Variants in PKD1L1 observed in about 807,000 individuals in gnomAD.
PKD1L1 encodes polycystin 1 like 1, transient receptor potential channel interacting.
A neutral mutation model predicts 323.4 loss-of-function variants in PKD1L1; 236 were observed. That is an observed-to-expected ratio of 0.73 (90% CI 0.66 to 0.81). The LOEUF (loss-of-function observed/expected upper bound fraction) is 0.81, where lower values mean the gene tolerates loss of function less well. Among genes scored for constraint, PKD1L1 ranks in the 40% least tolerant of loss-of-function variants. The pLI, the probability that PKD1L1 is intolerant of heterozygous loss-of-function variation, is 0.00. For missense variants in PKD1L1, 3,320 were observed against 3,508.0 expected, an observed-to-expected ratio of 0.95 and a Z score of 1.35; for synonymous variants, 1,344 against 1,335.0, an observed-to-expected ratio of 1.01 and a Z score of -0.15.
chr7:47,947,991 G>A (rs1788135857), intron 1 of PKD1L1, among the ~76,000 whole-genome samples: 1 of 151,984 alleles, frequency 6.6e-6, no homozygotes. Context: ...TAAGACCCCT[G>A]GGCCAAGACC....
In PKD1L1 at chr7:47,904,415, T is replaced by C. The variant is rs1787155899; in HGVS notation, c.1894A>G (p.Ser632Gly). The C allele has an allele frequency of 6.2e-7, 1 of 1,614,132 alleles. No individual in the cohort carries two copies. Among genetic ancestry groups the C allele is most frequent in the African/African-American group, 1.3e-5 (1 of 75,042 alleles). The change falls in exon 12 of 57, where the codon AGC becomes GGC. Residue 632 changes from serine (S) to glycine (G), a missense_variant. Transcript: ENST00000289672. ...YLWDFGDGTV[S>G]LGSSSSSHVY... ...TGGCTGCTGGAGCTGCTCCCCAGGC[T>C]GACGGTGCCATCCCCAAAGTCCCAC...
chr7:47,834,988 C>G lies in PKD1L1; in HGVS notation c.6106G>C (p.Ala2036Pro). ...TTACCATGGGGTGCCTCGGTCTGTG[C>G]TCCTCCTCTAAGTGGGCTGTGTGGC... is the stretch of plus-strand genomic sequence containing the variant. ...VEPHSPLRGG[A>P]QTEAPHGPNS... The change falls in exon 39 of 57, where the codon GCA becomes CCA. Residue 2036 changes from alanine (A) to proline (P), a missense_variant. By Grantham distance (27) the Ala-to-Pro change is conservative. Coordinates refer to ENST00000289672, the MANE Select transcript of PKD1L1 (RefSeq NM_138295.5). 1 of 1,613,882 alleles carries G rather than the reference C, an allele frequency of 6.2e-7. No individual in the cohort carries two copies. Among genetic ancestry groups the G allele is most frequent in the Non-Finnish European group, 8.5e-7 (1 of 1,179,830 alleles).
chr7:47,834,116 A>G (rs1027410256), intron 40 of PKD1L1, among the ~76,000 whole-genome samples: 3 of 147,024 alleles, frequency 2.0e-5, no homozygotes, highest in African/African-American at 7.6e-5. Context: ...CCACCTGGAG[A>G]GCCGGGTTGC....
Position 47,904,449 on chromosome 7 carries a change from A to G in PKD1L1, c.1860T>C (p.Val620=), listed in dbSNP as rs1787156938. 1 of 1,614,034 alleles carries G rather than the reference A, an allele frequency of 6.2e-7. No homozygotes were observed. Among genetic ancestry groups the G allele is most frequent in the Admixed American group, 1.7e-5 (1 of 59,992 alleles). The change falls in exon 12 of 57, where the codon GTT becomes GTC. Residue 620 remains valine, a synonymous_variant. Transcript: ENST00000289672. ...FECWINFGTD[V]AYLWDFGDGT... is the part of the protein sequence containing the mutation. ...CATCCCCAAAGTCCCACAGGTAGGC[A>G]ACATCTGTGCCGAAGTTGATCCAGC...
intron 7 of PKD1L1, among the ~76,000 whole-genome samples, 173 bp from the exon 8 acceptor site, chr7:47,915,772 T>C (rs994905922): frequency 6.6e-6 from 1 of 151,694 alleles, no homozygotes; most frequent in Non-Finnish European, 1.5e-5. Context: ...TAGAAGAAAA[T>C]ACAGATGCCA....
At chr7:47,822,800 A>G (rs1785173446) in intron 45 of PKD1L1, among the ~76,000 whole-genome samples, 1 of 152,184 alleles carries the variant, frequency 6.6e-6, no homozygotes, top group Non-Finnish European at 1.5e-5. Flanking sequence ...TCTTAGACTT[A>G]CATCCATGTA....
intron 5 of PKD1L1, 74 bp downstream of exon 5, chr7:47,931,862 A>G: frequency 1.3e-6 from 2 of 1,520,346 alleles, no homozygotes; most frequent in Admixed American, 2.0e-5. Context: ...CATACGGGTG[A>G]GTCTCCCCCA....
rs1396067104 is a variant in PKD1L1 at position 47,868,347 on chromosome 7, C to T, written c.3897-1733G>A. ...TTGTGCCATTGCACTGCAGCCTGGGCGACAGGGTGAGACCTTGTCTCAAGG... is the reference window on the plus strand; with the variant it reads ...TTGTGCCATTGCACTGCAGCCTGGGTGACAGGGTGAGACCTTGTCTCAAGG... On this transcript the variant is annotated intron_variant, in intron 24 of 56. Transcript: ENST00000289672. Among the ~76,000 whole-genome samples, 5 of 151,692 alleles carry T rather than the reference C, an allele frequency of 3.3e-5. No individual in the cohort carries two copies. The East Asian group carries it at 5.8e-4, about 18-fold the overall frequency.
chr7:47,846,821 A>C, intron 32 of PKD1L1, 58 bp downstream of exon 32: 1 of 1,507,184 alleles, frequency 6.6e-7, no homozygotes. Context: ...GGCCAAATGC[A>C]GAAGACAAGG....
Position 47,812,069 on chromosome 7 carries a change from C to A in PKD1L1, c.7347-18G>T. On this transcript the variant is annotated intron_variant, in intron 49 of 56. Transcript: ENST00000289672. ...CTTCAGTCCTGTAAAACAGCACACA[C>A]TGGGGTAGGGCAGGGCAGGGAGAAA... 6.5e-7 allele frequency: 1 copy of A among 1,549,278 alleles called. No homozygotes were observed. The highest frequency in any genetic ancestry group is 8.7e-7 in the Non-Finnish European group (1 of 1,144,426).
chr7:47,934,862 GA>G (rs1450635554), intron 4 of PKD1L1, among the ~76,000 whole-genome samples: 1 of 152,158 alleles, frequency 6.6e-6, no homozygotes, highest in Non-Finnish European at 1.5e-5. Context: ...TAGGAAGGAA[GA>G]CCCTTTCCTT....
rs758986846 is a variant in PKD1L1 at position 47,858,881 on chromosome 7, C to T, written c.4154G>A (p.Gly1385Asp). 5.6e-6 allele frequency: 9 copies of T among 1,613,260 alleles called. No homozygotes were observed. In the Admixed American group the frequency reaches 1.5e-4, roughly 27 times the overall value. ...GAGGATGAGAACCGCACTCATAAAGCCTAGCTGCATGAACAGAAAAGATGT... is the reference window on the plus strand; with the variant it reads ...GAGGATGAGAACCGCACTCATAAAGTCTAGCTGCATGAACAGAAAAGATGT... ...RDLVSFSNKL[G>D]FMSAVLILKY... Residue 1385 changes from glycine to aspartate, a missense_variant, in exon 27 of 57, where the codon GGC becomes GAC. Physicochemically the swap from Gly to Asp is moderately conservative, Grantham distance 94. Coordinates refer to ENST00000289672, the MANE Select transcript of PKD1L1 (RefSeq NM_138295.5).
Position 47,905,781 on chromosome 7 carries a change from T to G in PKD1L1, c.1522+62A>C, listed in dbSNP as rs200151331. On this transcript the variant is annotated intron_variant, in intron 10 of 56. Transcript: ENST00000289672. ...AACCTGCTGCTGCCTACGGCTTTCCTAATCTCAGCTGACTGCGCGAGGGAG... is the reference window on the plus strand; with the variant it reads ...AACCTGCTGCTGCCTACGGCTTTCCGAATCTCAGCTGACTGCGCGAGGGAG... 23 of 1,591,592 alleles carry G rather than the reference T, an allele frequency of 1.4e-5. No homozygotes were observed. In the East Asian group the frequency reaches 4.8e-4, roughly 33 times the overall value.
At chr7:47,835,279 A>C in intron 37 of PKD1L1, 36 bp from the exon 38 acceptor site, 58 of 1,369,024 alleles carry the variant, frequency 4.2e-5, no homozygotes, top group African/African-American at 5.8e-5. Flanking sequence ...ACATCAACTC[A>C]ATATGAGTCC....
At chr7:47,909,420 G>A (rs1230726420) in intron 8 of PKD1L1, among the ~76,000 whole-genome samples, 1 of 152,126 alleles carries the variant, frequency 6.6e-6, no homozygotes, top group East Asian at 1.9e-4. Flanking sequence ...CCCTGTGCAG[G>A]CTTATCTCAG....
At chr7:47,816,135 C>A (rs562463689) in intron 46 of PKD1L1, among the ~76,000 whole-genome samples, 2 of 152,360 alleles carry the variant, frequency 1.3e-5, no homozygotes, top group Non-Finnish European at 2.9e-5. Context: ...CCAGTCCTCT[C>A]TCTGCACTGA....
At chr7:47,778,866 T>G (rs1786627814) in intron 56 of PKD1L1, among the ~76,000 whole-genome samples, 1 of 152,178 alleles carries the variant, frequency 6.6e-6, no homozygotes. Flanking sequence ...CAGGACTTAC[T>G]TCAAATGCAA....
chr7:47,809,197 T>G (rs963254320), intron 51 of PKD1L1: 10 of 255,980 alleles, frequency 3.9e-5, no homozygotes, highest in African/African-American at 2.0e-4. Flanking sequence ...AAGGTCAGAA[T>G]CAAGATGTCA....
chr7:47,834,531 G>T, intron 39 of PKD1L1, 146 bp from the exon 40 acceptor site: 1 of 740,798 alleles, frequency 1.3e-6, no homozygotes, highest in Non-Finnish European at 2.3e-6. Flanking sequence ...TTTCTGAGAG[G>T]ATAAGGCTAG....
Sources: gnomAD v4.1 joint callset for allele counts (sites outside exome capture counted in the v4.1 genomes callset) on GRCh38, gnomAD v4.1.1 for gene constraint, MANE v1.5 for transcripts, NCBI Gene and HGNC (gene_info 2026-07-23, HGNC 2026-07-21) for gene names.